SATB2: variants seen among roughly 807,000 people sequenced by gnomAD.
The protein encoded by SATB2 is DNA-binding protein SATB2.
SATB2 carries 1 observed loss-of-function variant against 73.4 expected under a neutral mutation model. The ratio of observed to expected loss-of-function variants is 0.01; its 90% confidence interval spans 0.00 to 0.06. The LOEUF (loss-of-function observed/expected upper bound fraction) is 0.06, where lower values mean the gene tolerates loss of function less well. SATB2 is among the 10% of genes least tolerant of loss of function. The probability of loss-of-function intolerance (pLI) is 1.00; values close to 1 mark genes in which losing one functional copy is unlikely to be tolerated. For synonymous variants in SATB2, 397 were observed against 367.0 expected (o/e 1.08, Z -0.93); for missense variants, 459 against 945.8 (o/e 0.49, Z 6.75).
chr2:199,391,143 TG>T (rs1055111598), intron 3 of SATB2, among the ~76,000 whole-genome samples: 21 of 152,178 alleles, frequency 1.4e-4, no homozygotes, highest in Admixed American at 1.0e-3. Flanking sequence ...TTTTTGTTTT[TG>T]TTCCCTTTAG....
intron 10 of SATB2, among the ~76,000 whole-genome samples, chr2:199,299,456 C>T (rs1272117756): frequency 6.6e-6 from 1 of 152,030 alleles, no homozygotes; most frequent in African/African-American, 2.4e-5. Context: ...GCTAGAAAAA[C>T]AGAAGCAGAA....
In SATB2 at chr2:199,304,926, G is replaced by A. The variant is rs200297134; in HGVS notation, c.1740+3834C>T. ...TGTCCCTCAATGGTTCAGGCCCAGC[G>A]TGGTCTCAGCTATAATCTTGCTTCA... On this transcript the variant is annotated intron_variant, in intron 10 of 10. Coordinates refer to ENST00000417098, the MANE Select transcript of SATB2 (RefSeq NM_001172509.2). Among the ~76,000 whole-genome samples the A allele has an allele frequency of 3.9e-5, 6 of 152,238 alleles. No homozygotes were observed. In the South Asian group the frequency reaches 8.3e-4, roughly 21 times the overall value.
At chr2:199,276,770 T>C (rs1206492956) in intron 10 of SATB2, among the ~76,000 whole-genome samples, 5 of 151,726 alleles carry the variant, frequency 3.3e-5, no homozygotes, top group African/African-American at 9.7e-5. Flanking sequence ...TTTTTCAAAA[T>C]GGGCCCAGTG....
chr2:199,400,109 G>C (rs1052272204), intron 3 of SATB2, among the ~76,000 whole-genome samples: 1 of 152,136 alleles, frequency 6.6e-6, no homozygotes, highest in African/African-American at 2.4e-5. Context: ...AGTACTTCCA[G>C]AGGGAATAGC....
chr2:199,407,762 A>C (rs1690680190), intron 3 of SATB2, among the ~76,000 whole-genome samples: 1 of 152,224 alleles, frequency 6.6e-6, no homozygotes, highest in African/African-American at 2.4e-5. Flanking sequence ...ATCATAAAAG[A>C]ACATCTGGAT....
At chr2:199,311,362 C>T (rs959376028) in intron 9 of SATB2, among the ~76,000 whole-genome samples, 14 of 152,248 alleles carry the variant, frequency 9.2e-5, no homozygotes, top group East Asian at 3.9e-4. Context: ...CCTTCAACAG[C>T]GCACCCCCAC....
Position 199,368,169 on chromosome 2 carries a change from T to G in SATB2, c.700+436A>C, listed in dbSNP as rs143518103. Among the ~76,000 whole-genome samples the G allele has an allele frequency of 4.3e-4, 66 of 152,206 alleles. 1 individual carries two copies. Among genetic ancestry groups the G allele is most frequent in the African/African-American group, 1.5e-3 (64 of 41,550 alleles). On this transcript the variant is annotated intron_variant, in intron 6 of 10. Transcript: ENST00000417098. ...GAAGCTAAAGATTTGAACCCAAGTCTGCCTGAATGCAGAGCCCGTGTTTTC... is the reference window on the plus strand; with the variant it reads ...GAAGCTAAAGATTTGAACCCAAGTCGGCCTGAATGCAGAGCCCGTGTTTTC...
At chr2:199,274,196 A>T (rs1574460485) in intron 10 of SATB2, among the ~76,000 whole-genome samples, 1 of 152,222 alleles carries the variant, frequency 6.6e-6, no homozygotes, top group African/African-American at 2.4e-5. Flanking sequence ...CATTTTCCAG[A>T]GTTCAGGAGG....
In SATB2 at chr2:199,286,450, T is replaced by C. The variant is rs189269574; in HGVS notation, c.1741-13778A>G. 3.6e-3 allele frequency among the ~76,000 whole-genome samples: 551 copies of C among 152,212 alleles called. 6 individuals carry two copies. Among genetic ancestry groups the C allele is most frequent in the African/African-American group, 0.013 (526 of 41,528 alleles). On this transcript the variant is annotated intron_variant, in intron 10 of 10. Transcript: ENST00000417098. Reference sequence around the variant, plus strand: ...CCACAAAAACAACAAACACAATCCATGAGAAGACTTGGGAAGAATGACCAA... The same window carrying C: ...CCACAAAAACAACAAACACAATCCACGAGAAGACTTGGGAAGAATGACCAA...
intron 3 of SATB2, among the ~76,000 whole-genome samples, chr2:199,400,162 T>G (rs1026474508): frequency 4.6e-5 from 7 of 152,192 alleles, no homozygotes; most frequent in Admixed American, 1.3e-4. Flanking sequence ...CACCACACTT[T>G]GTATTTACTC....
chr2:199,360,298 CTA>C (rs1689098687), intron 6 of SATB2, among the ~76,000 whole-genome samples: 1 of 152,112 alleles, frequency 6.6e-6, no homozygotes, highest in African/African-American at 2.4e-5. Context: ...CCCATCACAT[CTA>C]TGTTTTTGAG....
At chr2:199,286,901 T>C (rs1196069617) in intron 10 of SATB2, among the ~76,000 whole-genome samples, 1 of 152,174 alleles carries the variant, frequency 6.6e-6, no homozygotes, top group African/African-American at 2.4e-5. Flanking sequence ...AAAGTGGCTT[T>C]TGCACCAGCA....
chr2:199,388,157 T>A (rs767817032), intron 3 of SATB2, among the ~76,000 whole-genome samples: 49 of 152,222 alleles, frequency 3.2e-4, no homozygotes, highest in Non-Finnish European at 6.9e-4. Context: ...TAATACATTA[T>A]AATCAATGAG....
chr2:199,390,210 A>C (rs549070444), intron 3 of SATB2, among the ~76,000 whole-genome samples: 11 of 152,236 alleles, frequency 7.2e-5, no homozygotes, highest in Admixed American at 7.2e-4. Context: ...AAAACAGCCA[A>C]AATATTGGTC....
chr2:199,346,588 T>C (rs867963411), intron 7 of SATB2, among the ~76,000 whole-genome samples: 2 of 152,358 alleles, frequency 1.3e-5, no homozygotes, highest in South Asian at 4.1e-4. Context: ...AAAAAATGTA[T>C]TAACTGACTT....
intron 6 of SATB2, 123 bp from the exon 7 acceptor site, chr2:199,349,296 C>A (rs570520575): frequency 7.6e-5 from 57 of 746,818 alleles, no homozygotes; most frequent in Non-Finnish European, 1.2e-4. Context: ...TTTCATACAA[C>A]GATGGAAGCT....
chr2:199,337,842 A>G (rs2105808176), intron 7 of SATB2, among the ~76,000 whole-genome samples: 1 of 152,292 alleles, frequency 6.6e-6, no homozygotes, highest in Non-Finnish European at 1.5e-5. Context: ...TATGCAATTA[A>G]CCCAAGGCCA....
intron 3 of SATB2, among the ~76,000 whole-genome samples, chr2:199,383,748 G>A (rs1689846314): frequency 6.6e-6 from 1 of 152,118 alleles, no homozygotes; most frequent in African/African-American, 2.4e-5. Context: ...AAGCTGTTGT[G>A]GTGTCAGTAG....
At chr2:199,377,308 G>A (rs748517587) in intron 5 of SATB2, among the ~76,000 whole-genome samples, 2 of 152,212 alleles carry the variant, frequency 1.3e-5, no homozygotes, top group African/African-American at 2.4e-5. Context: ...GAACAGGGAG[G>A]CGGCAGTTGC....
Sources: gnomAD v4.1 joint callset for allele counts (sites outside exome capture counted in the v4.1 genomes callset) on GRCh38, gnomAD v4.1.1 for gene constraint, MANE v1.5 for transcripts, NCBI Gene and HGNC (gene_info 2026-07-23, HGNC 2026-07-21) for gene names.